CHD9: variants seen among roughly 807,000 people sequenced by gnomAD.
CHD9 encodes ATP-dependent chromatin remodeler CHD9.
In CHD9, 77 loss-of-function variants were observed where a neutral mutation model predicts 316.1. That is an observed-to-expected ratio of 0.24 (90% CI 0.20 to 0.29). The LOEUF (loss-of-function observed/expected upper bound fraction) is 0.29, where lower values mean the gene tolerates loss of function less well. Ranked by LOEUF, CHD9 falls within the 10% of genes least tolerant of loss-of-function variation. The probability of loss-of-function intolerance (pLI) is 1.00; values close to 1 mark genes in which losing one functional copy is unlikely to be tolerated. For missense variants in CHD9, 2,763 were observed against 3,438.1 expected (o/e 0.80, Z 4.91); for synonymous variants, 1,129 against 1,158.3 (o/e 0.97, Z 0.51).
In CHD9 at chr16:53,186,285, A is replaced by G. The variant is rs1298053657; in HGVS notation, c.1453-23197A>G. ...GTGAGACATGGAGTCAAAGGAGATCATTTTGGAACTTTAAGGTTTAATGAC... is the reference window on the plus strand; with the variant it reads ...GTGAGACATGGAGTCAAAGGAGATCGTTTTGGAACTTTAAGGTTTAATGAC... On this transcript the variant is annotated intron_variant, in intron 2 of 38. Transcript: ENST00000447540. Among the ~76,000 whole-genome samples, 4 of 152,196 alleles carry G rather than the reference A, an allele frequency of 2.6e-5. No individual in the cohort carries two copies. The South Asian group carries it at 8.3e-4, about 31-fold the overall frequency.
rs887094592 is a variant in CHD9, at chr16:53,092,681, C to T, written c.-165+37604C>T. On this transcript the variant is annotated intron_variant, in intron 1 of 38. Transcript: ENST00000447540. ...CATCCCTGCAAAAGAACCCCACTCT[C>T]CACACTTAGGAAGCAAACAGATAAA... Among the ~76,000 whole-genome samples the T allele has an allele frequency of 4.7e-4, 72 of 152,212 alleles. 2 individuals carry two copies. Among genetic ancestry groups the T allele is most frequent in the Non-Finnish European group, 1.5e-5 (1 of 68,040 alleles).
chr16:53,295,250 C>T (rs1374772938), intron 29 of CHD9, among the ~76,000 whole-genome samples: 1 of 152,206 alleles, frequency 6.6e-6, no homozygotes, highest in Non-Finnish European at 1.5e-5. Context: ...CCTTGGCCTC[C>T]TGAGTGGCTG....
chr16:53,092,373 G>A (rs1193859580), intron 1 of CHD9, among the ~76,000 whole-genome samples: 1 of 152,098 alleles, frequency 6.6e-6, no homozygotes, highest in Non-Finnish European at 1.5e-5. Flanking sequence ...CATAAAATAT[G>A]CAAACATAAA....
chr16:53,158,624 CT>C lies in CHD9; in HGVS notation c.1452+1091del, dbSNP rs567963450. Reference sequence around the variant, plus strand: ...CCTAGCATATAGTTAGAAATTAATACTTTTTTTTGTTTTTTTTTAATTTTTC... The same window carrying C: ...CCTAGCATATAGTTAGAAATTAATACTTTTTTTGTTTTTTTTTAATTTTTC... On this transcript the variant is annotated intron_variant, in intron 2 of 38. Transcript: ENST00000447540. Among the ~76,000 whole-genome samples, 223 of 151,662 alleles carry C rather than the reference CT, an allele frequency of 1.5e-3. 1 individual carries two copies. The highest frequency in any genetic ancestry group is 4.7e-3 in the African/African-American group (194 of 41,312).
intron 1 of CHD9, among the ~76,000 whole-genome samples, chr16:53,130,146 C>T (rs111774477): frequency 9.9e-5 from 15 of 152,204 alleles, no homozygotes; most frequent in Non-Finnish European, 1.5e-5. Context: ...GCGCGCTCTC[C>T]CCTAGCTCGC....
At chr16:53,074,767 G>A (rs1343284996) in intron 1 of CHD9, among the ~76,000 whole-genome samples, 3 of 152,220 alleles carry the variant, frequency 2.0e-5, no homozygotes, top group African/African-American at 2.4e-5. Context: ...GTATGGAGAC[G>A]CCTGGATGCC....
chr16:53,101,164 ACAT>A (rs1336888063), intron 1 of CHD9, among the ~76,000 whole-genome samples: 16 of 152,220 alleles, frequency 1.1e-4, no homozygotes, highest in Admixed American at 9.2e-4. Context: ...GATTAGGTGT[ACAT>A]CATCTTATTC....
At chr16:53,300,587 G>A (rs952562360) in intron 30 of CHD9, among the ~76,000 whole-genome samples, 1 of 152,146 alleles carries the variant, frequency 6.6e-6, no homozygotes, top group Non-Finnish European at 1.5e-5. Flanking sequence ...ATGCAAAAAT[G>A]GCTTGGAGAC....
chr16:53,180,254 T>G (rs973439719), intron 2 of CHD9, among the ~76,000 whole-genome samples: 9 of 151,942 alleles, frequency 5.9e-5, no homozygotes, highest in Non-Finnish European at 1.2e-4. Flanking sequence ...TGATCCACCT[T>G]CCTCGGCCTC....
intron 1 of CHD9, among the ~76,000 whole-genome samples, chr16:53,106,238 G>A (rs999319552): frequency 9.9e-5 from 15 of 152,130 alleles, no homozygotes; most frequent in South Asian, 4.1e-4. Context: ...TGGCATATGC[G>A]TTGCCATCAT....
intron 3 of CHD9, among the ~76,000 whole-genome samples, chr16:53,220,016 A>C (rs1214621133): frequency 6.6e-6 from 1 of 152,220 alleles, no homozygotes; most frequent in Admixed American, 6.5e-5. Context: ...GAACAAGGTC[A>C]TATGGGGTCT....
At chr16:53,276,660 T>C (rs1035789191) in intron 24 of CHD9, among the ~76,000 whole-genome samples, 5 of 152,178 alleles carry the variant, frequency 3.3e-5, no homozygotes, top group Admixed American at 2.0e-4. Flanking sequence ...AGGACTTTAC[T>C]CTTACCTTTC....
At chr16:53,197,173 T>G (rs962509164) in intron 2 of CHD9, among the ~76,000 whole-genome samples, 3 of 152,174 alleles carry the variant, frequency 2.0e-5, no homozygotes, top group African/African-American at 7.2e-5. Context: ...TGGCTAAGAC[T>G]CCTTCATTTT....
intron 29 of CHD9, among the ~76,000 whole-genome samples, chr16:53,293,614 A>G (rs2054538660): frequency 6.6e-6 from 1 of 152,124 alleles, no homozygotes; most frequent in Non-Finnish European, 1.5e-5. Context: ...AGACGGTCTC[A>G]AAAAGTAGAA....
intron 1 of CHD9, among the ~76,000 whole-genome samples, chr16:53,097,470 G>T (rs963619135): frequency 6.6e-6 from 1 of 151,632 alleles, no homozygotes. Flanking sequence ...GACGATCATA[G>T]CTCACTGCAG....
Position 53,177,102 on chromosome 16 carries a change from C to T in CHD9, c.1452+19561C>T, listed in dbSNP as rs139600964. Among the ~76,000 whole-genome samples the T allele has an allele frequency of 3.2e-3, 493 of 152,274 alleles. 14 individuals carry two copies. In the East Asian group the frequency reaches 0.076, roughly 23 times the overall value. On this transcript the variant is annotated intron_variant, in intron 2 of 38. Coordinates refer to ENST00000447540, the MANE Select transcript of CHD9 (RefSeq NM_001308319.2). Reference sequence around the variant, plus strand: ...TCCCAGGTAGCTGGGATTACAGGCACATGCCACCATGCCTGGCTAATTTTT... The same window carrying T: ...TCCCAGGTAGCTGGGATTACAGGCATATGCCACCATGCCTGGCTAATTTTT...
intron 24 of CHD9, among the ~76,000 whole-genome samples, chr16:53,280,200 T>C (rs1474563671): frequency 1.3e-5 from 2 of 152,078 alleles, no homozygotes; most frequent in Non-Finnish European, 2.9e-5. Flanking sequence ...GAAGTCATTA[T>C]ATTAAAAACA....
intron 1 of CHD9, among the ~76,000 whole-genome samples, chr16:53,142,270 A>G (rs946354231): frequency 6.6e-6 from 1 of 152,142 alleles, no homozygotes; most frequent in African/African-American, 2.4e-5. Flanking sequence ...TTGAATATAT[A>G]TATTTTTTCT....
At chr16:53,321,738 G>A (rs2057283789) in intron 38 of CHD9, 108 bp downstream of exon 38, 3 of 672,566 alleles carry the variant, frequency 4.5e-6, no homozygotes, top group African/African-American at 3.6e-5. Context: ...ATTTGTGACA[G>A]CATTTTTCAG....
Sources: allele counts gnomAD v4.1 joint callset (sites outside exome capture counted in the v4.1 genomes callset), GRCh38; gene constraint gnomAD v4.1.1; transcripts MANE v1.5; gene names NCBI Gene and HGNC (gene_info 2026-07-23, HGNC 2026-07-21).